MLH3: variants seen among roughly 807,000 people sequenced by gnomAD.
MLH3 encodes the protein DNA mismatch repair protein Mlh3.
In MLH3, 82 loss-of-function variants were observed where a neutral mutation model predicts 122.2. That is an observed-to-expected ratio of 0.67 (90% CI 0.56 to 0.81). The LOEUF (loss-of-function observed/expected upper bound fraction) is 0.81, where lower values mean the gene tolerates loss of function less well. MLH3 is among the 30% of genes least tolerant of loss of function. MLH3 has a pLI of 0.00. For missense variants in MLH3, 1,539 were observed against 1,714.5 expected, an observed-to-expected ratio of 0.90 and a Z score of 1.81; for synonymous variants, 524 against 599.5, an observed-to-expected ratio of 0.87 and a Z score of 1.84.
At chr14:75,033,513 C>T (rs764155054) in intron 6 of MLH3, 23 bp from the exon 7 acceptor site, 2 of 1,599,488 alleles carry the variant, frequency 1.3e-6, no homozygotes, top group Non-Finnish European at 1.7e-6. Flanking sequence ...GGATTGTGAA[C>T]TTTGATTCTC....
chr14:75,037,141 C>A (rs1891473292), intron 6 of MLH3, among the ~76,000 whole-genome samples: 1 of 152,176 alleles, frequency 6.6e-6, no homozygotes, highest in Admixed American at 6.5e-5. Flanking sequence ...CTCCTACCTA[C>A]TTCTCTAGCC....
At position 75,017,159 on chromosome 14, in the gene MLH3, A is replaced by G; in HGVS notation, c.4285T>C (p.Trp1429Arg). The change falls in exon 13 of 13, where the codon TGG (tryptophan) becomes CGG (arginine). Residue 1429 changes from tryptophan to arginine, a missense_variant. Coordinates refer to ENST00000355774, the MANE Select transcript of MLH3 (RefSeq NM_001040108.2). The part of the protein sequence containing the change: ...LTKLRKMAQA[W>R]RLFGKAECDT... ...CACTCTGCTTTTCCAAAGAGACGCC[A>G]GGCCTGGGCCATTTTGCGAAGTTTA... is the stretch of plus-strand genomic sequence containing the variant. 1 of 1,612,768 alleles carries G rather than the reference A, an allele frequency of 6.2e-7. No homozygotes were observed. The highest frequency in any genetic ancestry group is 1.7e-5 in the Admixed American group (1 of 59,976).
At chr14:75,050,219 T>C (rs977116920) in intron 1 of MLH3, among the ~76,000 whole-genome samples, 3 of 152,180 alleles carry the variant, frequency 2.0e-5, no homozygotes, top group Non-Finnish European at 4.4e-5. Context: ...AAGAATCAAA[T>C]TGTATCAAAG....
chr14:75,022,875 T>G lies in MLH3; in HGVS notation c.4029A>C (p.Gly1343=), dbSNP rs1413093895. 3 of 1,614,022 alleles carry G rather than the reference T, an allele frequency of 1.9e-6. No individual in the cohort carries two copies. Among genetic ancestry groups the G allele is most frequent in the African/African-American group, 2.7e-5 (2 of 74,912 alleles). The change falls in exon 11 of 13, where the codon GGA becomes GGC. Residue 1343 remains glycine (G), a synonymous_variant. Transcript: ENST00000355774. ...TCAGTGGCAATGTCCCTTGGATGCC[T>G]CCGGTGGTCTGGAGTAGCTAATGCA... is the stretch of plus-strand genomic sequence containing the variant. ...REQLELLQTT[G]GIQGTLPLTV...
intron 9 of MLH3, among the ~76,000 whole-genome samples, chr14:75,024,348 T>G (rs908901881): frequency 6.6e-6 from 1 of 151,966 alleles, no homozygotes; most frequent in African/African-American, 2.4e-5. Flanking sequence ...ATTACAATCA[T>G]GCACCACCAC....
chr14:75,045,459 T>C (rs1290165116), intron 2 of MLH3, among the ~76,000 whole-genome samples: 1 of 152,272 alleles, frequency 6.6e-6, no homozygotes, highest in Non-Finnish European at 1.5e-5. Context: ...AAGTATATAC[T>C]TGACCTATAT....
intron 8 of MLH3, among the ~76,000 whole-genome samples, chr14:75,031,749 G>A (rs1891062463): frequency 6.6e-6 from 1 of 152,192 alleles, no homozygotes; most frequent in African/African-American, 2.4e-5. Context: ...GGAAGGTGGA[G>A]GTTGCAGTGA....
chr14:75,027,268 T>C (rs1020131266), intron 9 of MLH3, among the ~76,000 whole-genome samples: 18 of 151,998 alleles, frequency 1.2e-4, no homozygotes, highest in African/African-American at 4.1e-4. Context: ...CACGGACTTT[T>C]TTTTTTTTGA....
Position 75,046,972 on chromosome 14 carries a change from CG to C in MLH3, c.2683del (p.Arg895ValfsTer21), listed in dbSNP as rs1566603547. The C allele has an allele frequency of 9.3e-6, 15 of 1,614,148 alleles. No homozygotes were observed. Among genetic ancestry groups the C allele is most frequent in the Non-Finnish European group, 1.3e-5 (15 of 1,180,016 alleles). ...ATCTGAATTTGGAAGTTCATTAAAA[CG>C]ACTCATCATCCCCATTGTTTGAGTT... ...RETQTMGMMSRFNELPNSDSS... is the reference protein window; with the variant it reads ...RETQTMGMMSXFNELPNSDSS... On this transcript the variant is annotated frameshift_variant, in exon 2 of 13. Coordinates refer to ENST00000355774, the MANE Select transcript of MLH3 (RefSeq NM_001040108.2). LOFTEE classifies it high-confidence loss of function.
intron 9 of MLH3, among the ~76,000 whole-genome samples, chr14:75,029,933 G>A (rs1890926591): frequency 1.3e-5 from 2 of 152,110 alleles, no homozygotes; most frequent in South Asian, 4.1e-4. Flanking sequence ...GATTGCTTGA[G>A]GCCAGAAGTT....
intron 11 of MLH3, 29 bp from the exon 12 acceptor site, chr14:75,019,009 A>G (rs771992137): frequency 6.2e-7 from 1 of 1,602,908 alleles, no homozygotes; most frequent in South Asian, 1.1e-5. Flanking sequence ...CAAGAAGGTT[A>G]TAGTGTATAT....
At chr14:75,030,470 C>A in intron 9 of MLH3, 73 bp downstream of exon 9, 1 of 1,436,830 alleles carries the variant, frequency 7.0e-7, no homozygotes, top group Non-Finnish European at 9.8e-7. Flanking sequence ...AAGATGAATT[C>A]AGAGAATCTA....
Position 75,032,285 on chromosome 14 carries a change from T to A in MLH3, c.3716-106A>T, listed in dbSNP as rs575772879. 2.3e-4 allele frequency: 176 copies of A among 755,034 alleles called. 3 individuals carry two copies. In the South Asian group the frequency reaches 2.4e-3, roughly 10 times the overall value. 46.8% of individuals were successfully genotyped at this position (755,034 alleles called of 1,614,324 possible). A position where few individuals can be genotyped will look rare whatever the true frequency, so the allele number is the denominator to read the frequency against. Reference sequence around the variant, plus strand: ...ATAATCATTCTAATGCAAAGCAGAATGTTTAATGTTCAGTTTTAGATTTTG... The same window carrying A: ...ATAATCATTCTAATGCAAAGCAGAAAGTTTAATGTTCAGTTTTAGATTTTG... On this transcript the variant is annotated intron_variant, in intron 7 of 12. Coordinates refer to ENST00000355774, the MANE Select transcript of MLH3 (RefSeq NM_001040108.2).
chr14:75,026,425 G>A (rs1025736317), intron 9 of MLH3, among the ~76,000 whole-genome samples: 3 of 152,198 alleles, frequency 2.0e-5, no homozygotes, highest in African/African-American at 4.8e-5. Flanking sequence ...AGAAGATGAA[G>A]AGATACTTTA....
chr14:75,038,738 C>A (rs1244791375), intron 5 of MLH3, among the ~76,000 whole-genome samples: 2 of 152,102 alleles, frequency 1.3e-5, no homozygotes, highest in African/African-American at 4.8e-5. Flanking sequence ...GTAATGTGAC[C>A]AGAGATTGCT....
At chr14:75,019,961 T>G (rs1444171562) in intron 11 of MLH3, among the ~76,000 whole-genome samples, 1 of 152,106 alleles carries the variant, frequency 6.6e-6, no homozygotes, top group East Asian at 1.9e-4. Flanking sequence ...TGCTATAAAA[T>G]ACAGGATATG....
Position 75,049,567 on chromosome 14 carries a change from G to A in MLH3, c.89C>T (p.Ala30Val), listed in dbSNP as rs1401152871. Residue 30 changes from alanine to valine, a missense_variant, in exon 2 of 13, where the codon GCC (alanine) becomes GTC (valine). Transcript: ENST00000355774. ...TGCTTCAGCATCAATACTGTTGAGG[G>A]CAAGTTCCTCAACACATTGGCCCAA... ...SSLGQCVEELALNSIDAEAKC... is the reference protein window; with the variant it reads ...SSLGQCVEELVLNSIDAEAKC... The A allele has an allele frequency of 1.9e-6, 3 of 1,613,988 alleles. No homozygotes were observed. The highest frequency in any genetic ancestry group is 2.7e-5 in the African/African-American group (2 of 74,900).
In MLH3 at chr14:75,032,158, G is replaced by T; in HGVS notation, c.3737C>A (p.Ala1246Glu). ...TAATTTTTTCCGACCAGAGCCTTGT[G>T]CCTGTTGCTTCTCGTAGGAATCTAT... ...LIIDSYEKQQ[A>E]QGSGRKKLLS... Residue 1246 changes from alanine (A) to glutamate (E), a missense_variant, in exon 8 of 13, where the codon GCA becomes GAA. By Grantham distance (107) the Ala-to-Glu change is moderately radical. Transcript: ENST00000355774. The T allele has an allele frequency of 2.5e-6, 4 of 1,612,392 alleles. No homozygotes were observed. The highest frequency in any genetic ancestry group is 3.4e-6 in the Non-Finnish European group (4 of 1,178,462).
At chr14:75,032,653 C>G (rs1891128465) in intron 7 of MLH3, among the ~76,000 whole-genome samples, 1 of 151,674 alleles carries the variant, frequency 6.6e-6, no homozygotes, top group South Asian at 2.1e-4. Flanking sequence ...AACTCTTAGG[C>G]CGTCATTTTA....
Sources: allele counts gnomAD v4.1 joint callset (sites outside exome capture counted in the v4.1 genomes callset), GRCh38; gene constraint gnomAD v4.1.1; transcripts MANE v1.5; gene names NCBI Gene and HGNC (gene_info 2026-07-23, HGNC 2026-07-21).